Variants in DOCK3 observed in about 807,000 individuals in gnomAD.
The protein encoded by DOCK3 is dedicator of cytokinesis 3.
A neutral mutation model predicts 265.6 loss-of-function variants in DOCK3; 60 were observed. The observed-to-expected ratio is 0.23, with a 90% CI of 0.18 to 0.28. The LOEUF (loss-of-function observed/expected upper bound fraction) is 0.28. Among genes scored for constraint, DOCK3 ranks in the 10% least tolerant of loss-of-function variants. The pLI is 1.00. For missense variants in DOCK3, 1,981 were observed against 2,594.3 expected (o/e 0.76, Z 5.14); for synonymous variants, 881 against 938.0 (o/e 0.94, Z 1.11).
At chr3:51,131,163 A>C (rs2084515344) in intron 9 of DOCK3, among the ~76,000 whole-genome samples, 1 of 152,156 alleles carries the variant, frequency 6.6e-6, no homozygotes, top group Non-Finnish European at 1.5e-5. Flanking sequence ...TTACGCATTC[A>C]GGCAATGAGG....
chr3:51,330,247 C>A (rs1264989807), intron 33 of DOCK3, 24 bp downstream of exon 33: 4 of 1,568,384 alleles, frequency 2.6e-6, no homozygotes, highest in Non-Finnish European at 3.5e-6. Context: ...GCCCCAGGCA[C>A]ACCACACTGG....
rs115751236 is a variant in DOCK3, at chr3:50,838,523, A to G, written c.122-3152A>G. ...AATGCATATGATGACATTGAAATTG[A>G]TGAACACTCAATCTGAACATCAAGG... On this transcript the variant is annotated intron_variant, in intron 2 of 52. Coordinates refer to ENST00000266037, the MANE Select transcript of DOCK3 (RefSeq NM_004947.5). 6.4e-3 allele frequency among the ~76,000 whole-genome samples: 979 copies of G among 152,328 alleles called. 13 individuals are homozygous for G. Among genetic ancestry groups the G allele is most frequent in the African/African-American group, 0.022 (920 of 41,564 alleles).
At chr3:51,229,361 G>C in intron 18 of DOCK3, 151 bp from the exon 19 acceptor site, 1 of 468,264 alleles carries the variant, frequency 2.1e-6, no homozygotes, top group Non-Finnish European at 3.7e-6. Flanking sequence ...TGAGGCAGGA[G>C]AATCACTTGA....
At chr3:51,000,933 G>A (rs183347389) in intron 5 of DOCK3, among the ~76,000 whole-genome samples, 15 of 152,326 alleles carry the variant, frequency 9.8e-5, no homozygotes, top group Admixed American at 2.0e-4. Flanking sequence ...GATTACAGGC[G>A]TGGGCCGCCA....
chr3:50,969,320 G>T (rs1196563793), intron 5 of DOCK3, among the ~76,000 whole-genome samples: 1 of 151,824 alleles, frequency 6.6e-6, no homozygotes, highest in Non-Finnish European at 1.5e-5. Flanking sequence ...GTTTCTGTTG[G>T]CATGGTATAT....
chr3:51,244,610 G>A (rs1474171713), intron 21 of DOCK3, among the ~76,000 whole-genome samples: 1 of 152,110 alleles, frequency 6.6e-6, no homozygotes, highest in Non-Finnish European at 1.5e-5. Flanking sequence ...CTACATATAA[G>A]ATTATATCAT....
intron 4 of DOCK3, among the ~76,000 whole-genome samples, chr3:50,928,320 GC>G (rs2050879107): frequency 6.6e-6 from 1 of 151,762 alleles, no homozygotes; most frequent in South Asian, 2.1e-4. Context: ...CCTCTACCCA[GC>G]CCCTGGTAAT....
chr3:50,884,105 T>TA (rs766979356), intron 3 of DOCK3, among the ~76,000 whole-genome samples: 53 of 151,712 alleles, frequency 3.5e-4, no homozygotes, highest in South Asian at 2.3e-3. Context: ...TTTTTTTTTT[T>TA]AATTTTTGAT....
At chr3:50,837,775 G>A (rs532546662) in intron 2 of DOCK3, among the ~76,000 whole-genome samples, 3 of 152,326 alleles carry the variant, frequency 2.0e-5, no homozygotes, top group South Asian at 4.1e-4. Flanking sequence ...ACTCTGGGTG[G>A]AAGGGGTTTG....
intron 22 of DOCK3, among the ~76,000 whole-genome samples, chr3:51,256,599 T>TA (rs542492453): frequency 1.3e-5 from 2 of 150,402 alleles, no homozygotes; most frequent in Middle Eastern, 3.2e-3. Flanking sequence ...TTTTGTTTTT[T>TA]TTTTTTTTTT....
intron 5 of DOCK3, among the ~76,000 whole-genome samples, chr3:51,061,749 A>G (rs2081418282): frequency 6.6e-6 from 1 of 151,892 alleles, no homozygotes. Flanking sequence ...TCCAGTTTTC[A>G]TTTGGCTTTC....
rs2087971603 is a variant in DOCK3, at chr3:51,374,825, G to A, written c.5412+238G>A. ...AGGAACCACCATTGGAACCAGCATT[G>A]CTCATGTAGCTATCTGTCCTTCCCG... On this transcript the variant is annotated intron_variant, in intron 50 of 52. Transcript: ENST00000266037. This position sits in a 1 kb window ranked among gnomAD's most constrained non-coding sequence, Gnocchi z 4.8. Among the ~76,000 whole-genome samples the A allele has an allele frequency of 6.6e-6, 1 of 152,204 alleles. No homozygotes were observed. The highest frequency in any genetic ancestry group is 1.5e-5 in the Non-Finnish European group (1 of 68,038).
chr3:51,344,891 TGTG>T (rs1487066245), intron 38 of DOCK3, among the ~76,000 whole-genome samples: 1 of 152,074 alleles, frequency 6.6e-6, no homozygotes, highest in African/African-American at 2.4e-5. Context: ...TAAAGATAAT[TGTG>T]GTGGAGAGGG....
At chr3:51,260,439 G>A in intron 23 of DOCK3, 113 bp downstream of exon 23, 2 of 1,246,644 alleles carry the variant, frequency 1.6e-6, no homozygotes, top group Non-Finnish European at 1.1e-6. Context: ...TGTGTGTTGG[G>A]TAAGGGATTA....
chr3:51,036,580 C>A (rs2080275632), intron 5 of DOCK3, among the ~76,000 whole-genome samples: 1 of 152,126 alleles, frequency 6.6e-6, no homozygotes, highest in African/African-American at 2.4e-5. Context: ...GAACAGAATG[C>A]TGAACTTCAT....
At chr3:51,172,270 G>A (rs554518087) in intron 12 of DOCK3, among the ~76,000 whole-genome samples, 1 of 152,096 alleles carries the variant, frequency 6.6e-6, no homozygotes, top group East Asian at 1.9e-4. Flanking sequence ...CCGCCTCCCG[G>A]GTTCCAGCAA....
chr3:51,018,755 G>T (rs1008055862), intron 5 of DOCK3, among the ~76,000 whole-genome samples: 1 of 151,410 alleles, frequency 6.6e-6, no homozygotes, highest in Non-Finnish European at 1.5e-5. Flanking sequence ...GCATCATGTC[G>T]GTGTTCAAAA....
At chr3:50,908,365 G>A (rs1038378161) in intron 4 of DOCK3, among the ~76,000 whole-genome samples, 7 of 151,966 alleles carry the variant, frequency 4.6e-5, no homozygotes, top group Non-Finnish European at 1.0e-4. Flanking sequence ...GACATTTAGT[G>A]TTATAAACTT....
rs1285896878 is a variant in DOCK3 at position 51,141,269 on chromosome 3, A to AT, written c.747-5275dup. Among the ~76,000 whole-genome samples, 3 of 136,346 alleles carry AT rather than the reference A, an allele frequency of 2.2e-5. No individual in the cohort carries two copies. In the Admixed American group the frequency reaches 2.3e-4, roughly 10 times the overall value. 89.4% of individuals were successfully genotyped at this position (136,346 alleles called of 152,430 possible). A position where few individuals can be genotyped will look rare whatever the true frequency, so the allele number is the denominator to read the frequency against. On this transcript the variant is annotated intron_variant, in intron 9 of 52. Transcript: ENST00000266037. ...TAACTTAGTTTAAATTAAAAGTCAGATTTTTGAAACTCACATAATTTCCTG... is the reference window on the plus strand; with the variant it reads ...TAACTTAGTTTAAATTAAAAGTCAGATTTTTTGAAACTCACATAATTTCCTG...
Sources: allele counts gnomAD v4.1 joint callset (sites outside exome capture counted in the v4.1 genomes callset), GRCh38; gene constraint gnomAD v4.1.1; non-coding constraint Gnocchi (gnomAD v3.1); transcripts MANE v1.5; gene names NCBI Gene and HGNC (gene_info 2026-07-23, HGNC 2026-07-21).